VPS13B: variants seen among roughly 807,000 people sequenced by gnomAD.
VPS13B encodes vacuolar protein sorting 13 homolog B.
A neutral mutation model predicts 426.4 loss-of-function variants in VPS13B; 285 were observed. The observed-to-expected ratio is 0.67, with a 90% confidence interval of 0.61 to 0.74. The LOEUF is 0.74. Among genes scored for constraint, VPS13B ranks in the 30% least tolerant of loss-of-function variants. VPS13B has a pLI of 0.00. For missense variants in VPS13B, 4,537 were observed against 4,782.6 expected, an observed-to-expected ratio of 0.95 and a Z score of 1.51; for synonymous variants, 1,676 against 1,676.4, an observed-to-expected ratio of 1.00 and a Z score of 0.01.
intron 57 of VPS13B, among the ~76,000 whole-genome samples, chr8:99,859,880 A>G (rs904758301): frequency 6.6e-6 from 1 of 152,232 alleles, no homozygotes; most frequent in Non-Finnish European, 1.5e-5. Flanking sequence ...TCTTAAGGAT[A>G]TGGATACATT....
At chr8:99,170,289 C>T (rs530349287) in intron 16 of VPS13B, 126 bp downstream of exon 16, 11 of 1,233,528 alleles carry the variant, frequency 8.9e-6, no homozygotes, top group Non-Finnish European at 1.2e-5. Flanking sequence ...AAAATCTAAA[C>T]TTGTACTTTT....
At chr8:99,174,830 T>C (rs1028761838) in intron 16 of VPS13B, among the ~76,000 whole-genome samples, 1 of 152,136 alleles carries the variant, frequency 6.6e-6, no homozygotes, top group African/African-American at 2.4e-5. Context: ...GAGAGAAAAA[T>C]TGCTCCATGT....
chr8:99,089,144 T>C (rs772645394), intron 3 of VPS13B, among the ~76,000 whole-genome samples: 8 of 152,208 alleles, frequency 5.3e-5, no homozygotes, highest in Non-Finnish European at 1.0e-4. Flanking sequence ...TTGAAGCATT[T>C]AATCTCTTTA....
intron 33 of VPS13B, among the ~76,000 whole-genome samples, chr8:99,639,392 C>T (rs2133925424): frequency 6.6e-6 from 1 of 152,158 alleles, no homozygotes; most frequent in South Asian, 2.1e-4. Context: ...ACAGCAAGCT[C>T]AGAGGGGCAC....
At chr8:99,866,896 C>A (rs544383280) in intron 58 of VPS13B, among the ~76,000 whole-genome samples, 1 of 152,082 alleles carries the variant, frequency 6.6e-6, no homozygotes, top group South Asian at 2.1e-4. Context: ...GAGTGACCCT[C>A]ACTCTTGATA....
chr8:99,858,424 A>T (rs1258576046), intron 56 of VPS13B, among the ~76,000 whole-genome samples: 1 of 152,208 alleles, frequency 6.6e-6, no homozygotes, highest in African/African-American at 2.4e-5. Context: ...CTCCTGGGAC[A>T]TGCACAAGGG....
intron 7 of VPS13B, among the ~76,000 whole-genome samples, chr8:99,118,290 A>G (rs922958048): frequency 7.2e-5 from 11 of 152,154 alleles, no homozygotes; most frequent in African/African-American, 2.4e-4. Flanking sequence ...ATTTATCAAT[A>G]CAATTGTTTT....
rs530775846 is a variant in VPS13B at position 99,500,968 on chromosome 8, A to G, written c.3871-719A>G. 3.9e-5 allele frequency among the ~76,000 whole-genome samples: 6 copies of G among 152,340 alleles called. No homozygotes were observed. The South Asian group carries it at 1.2e-3, about 32-fold the overall frequency. On this transcript the variant is annotated intron_variant, in intron 25 of 61. Coordinates refer to ENST00000357162, the MANE Select transcript of VPS13B (RefSeq NM_152564.5). Reference sequence around the variant, plus strand: ...GTTAGCACTGACTTTAGGACCTTATACATATTCAGAGTTCAGTATGTATTT... The same window carrying G: ...GTTAGCACTGACTTTAGGACCTTATGCATATTCAGAGTTCAGTATGTATTT...
intron 30 of VPS13B, among the ~76,000 whole-genome samples, chr8:99,527,417 A>G (rs1822706572): frequency 6.6e-6 from 1 of 151,222 alleles, no homozygotes; most frequent in Admixed American, 6.6e-5. Context: ...CCCTCCCTTA[A>G]CCCTTTACCT....
chr8:99,378,134 G>GGC (rs1813593383), intron 19 of VPS13B, among the ~76,000 whole-genome samples: 1 of 70,484 alleles, frequency 1.4e-5, no homozygotes, highest in Non-Finnish European at 2.6e-5. Context: ...CCATTTTAGA[G>GGC]CCCCCCCCCC....
chr8:99,036,617 G>A (rs967132689), intron 2 of VPS13B, among the ~76,000 whole-genome samples: 1 of 152,096 alleles, frequency 6.6e-6, no homozygotes, highest in African/African-American at 2.4e-5. Flanking sequence ...CACCTCTTGT[G>A]TTACTGTTTG....
intron 15 of VPS13B, among the ~76,000 whole-genome samples, chr8:99,165,978 TTTTA>T (rs1415844065): frequency 3.9e-5 from 6 of 152,242 alleles, no homozygotes; most frequent in South Asian, 4.1e-4. Flanking sequence ...TTTATTTTTC[TTTTA>T]TTTATTTATT....
intron 44 of VPS13B, among the ~76,000 whole-genome samples, chr8:99,816,802 C>G (rs1814065753): frequency 6.6e-6 from 1 of 150,798 alleles, no homozygotes; most frequent in Non-Finnish European, 1.5e-5. Context: ...AAGACCCTGT[C>G]TAAAAAAAAC....
chr8:99,226,337 G>T (rs1237602668), intron 17 of VPS13B, among the ~76,000 whole-genome samples: 2 of 152,080 alleles, frequency 1.3e-5, no homozygotes, highest in African/African-American at 4.8e-5. Flanking sequence ...AAATCCTTCA[G>T]ACTGCTTTAG....
At position 99,507,139 on chromosome 8, in the gene VPS13B, C is replaced by G. The variant is rs1427247589; in HGVS notation, c.4160C>G (p.Pro1387Arg). 1 of 1,613,826 alleles carries G rather than the reference C, an allele frequency of 6.2e-7. No individual in the cohort carries two copies. Among genetic ancestry groups the G allele is most frequent in the Admixed American group, 1.7e-5 (1 of 59,998 alleles). ...SFNIDHYRSR[P>R]GEGWQSGHFE... ...TAAGGTGAACTTATGTTTTCCAGGC[C>G]AGGGGAAGGTTGGCAGTCAGGACAT... Residue 1387 changes from proline to arginine, a missense_variant and splice_region_variant, in exon 28 of 62, where the codon CCA becomes CGA. Coordinates refer to ENST00000357162, the MANE Select transcript of VPS13B (RefSeq NM_152564.5).
At chr8:99,242,801 G>C (rs891076174) in intron 17 of VPS13B, among the ~76,000 whole-genome samples, 3 of 152,074 alleles carry the variant, frequency 2.0e-5, no homozygotes, top group Non-Finnish European at 4.4e-5. Flanking sequence ...TTTATTGATA[G>C]CGTCAAACTT....
chr8:99,188,492 G>A (rs1020894374), intron 16 of VPS13B, among the ~76,000 whole-genome samples: 2 of 152,214 alleles, frequency 1.3e-5, no homozygotes, highest in African/African-American at 2.4e-5. Flanking sequence ...GTACATTTGT[G>A]TTGTTCTCAT....
At chr8:99,360,188 TTCTCTCTCTC>T (rs778981940) in intron 19 of VPS13B, among the ~76,000 whole-genome samples, 1 of 28,032 alleles carries the variant, frequency 3.6e-5, no homozygotes, top group Non-Finnish European at 7.3e-5. Context: ...CTTTCTTTCT[TTCTCTCTCTC>T]TCTCTCTCTC....
intron 39 of VPS13B, among the ~76,000 whole-genome samples, chr8:99,763,715 C>T (rs781009495): frequency 4.6e-5 from 7 of 151,878 alleles, no homozygotes; most frequent in Non-Finnish European, 1.0e-4. Context: ...GGAGCAATAA[C>T]CCAGAGAAAA....
Sources: allele counts gnomAD v4.1 joint callset (sites outside exome capture counted in the v4.1 genomes callset), GRCh38; gene constraint gnomAD v4.1.1; transcripts MANE v1.5; gene names NCBI Gene and HGNC (gene_info 2026-07-23, HGNC 2026-07-21).